Variants in CUX1 observed in about 807,000 individuals in gnomAD.
The protein encoded by CUX1 is protein CASP.
CUX1 carries 31 observed loss-of-function variants against 158.8 expected under a neutral mutation model. The observed-to-expected ratio is 0.20, with a 90% CI of 0.15 to 0.26. The LOEUF is 0.26. Ranked by LOEUF, CUX1 falls within the 10% of genes least tolerant of loss-of-function variation. The pLI, the probability that CUX1 is intolerant of heterozygous loss-of-function variation, is 1.00. For synonymous variants in CUX1, 879 were observed against 862.1 expected (o/e 1.02, Z -0.34); for missense variants, 1,589 against 2,014.6 (o/e 0.79, Z 4.04).
intron 1 of CUX1, among the ~76,000 whole-genome samples, chr7:101,825,223 A>G (rs1793123079): frequency 6.6e-6 from 1 of 152,256 alleles, no homozygotes; most frequent in Admixed American, 6.5e-5. Context: ...TAGAGATGTT[A>G]TAAGTCATAC....
downstream of CUX1, among the ~76,000 whole-genome samples, chr7:102,259,163 A>G (rs1461757174): frequency 1.3e-5 from 2 of 152,172 alleles, no homozygotes; most frequent in Non-Finnish European, 2.9e-5. Flanking sequence ...AACCCAGAGT[A>G]TGGGATGGAG....
chr7:101,910,453 A>G (rs1337337811), intron 1 of CUX1, among the ~76,000 whole-genome samples: 1 of 151,884 alleles, frequency 6.6e-6, no homozygotes, highest in Non-Finnish European at 1.5e-5. Context: ...GCCCACATAC[A>G]CTTTAAAGGT....
chr7:101,817,047 G>C, upstream of CUX1: 1 of 984,572 alleles, frequency 1.0e-6, no homozygotes, highest in Non-Finnish European at 1.2e-6. This position sits in a 1 kb window ranked among gnomAD's most constrained non-coding sequence, Gnocchi z 4.1. Context: ...CCCCGCGGGG[G>C]CTCTTTGGGG....
chr7:102,282,185 C>T (rs911130736), intron 21 of CUX1, among the ~76,000 whole-genome samples: 5 of 152,130 alleles, frequency 3.3e-5, no homozygotes, highest in Admixed American at 3.3e-4. Context: ...TGGTCCTGAA[C>T]GGGCTTCATA....
At chr7:101,855,027 G>A (rs1408197929) in intron 1 of CUX1, among the ~76,000 whole-genome samples, 1 of 152,170 alleles carries the variant, frequency 6.6e-6, no homozygotes, top group Admixed American at 6.5e-5. Context: ...GAGCCACCTC[G>A]CCCGGCCTGG....
At chr7:102,116,699 G>T (rs145306681) in intron 8 of CUX1, among the ~76,000 whole-genome samples, 1 of 152,114 alleles carries the variant, frequency 6.6e-6, no homozygotes, top group Non-Finnish European at 1.5e-5. Context: ...GGGGCTGATT[G>T]TCCTTCACAT....
chr7:102,158,700 G>A (rs537504754), intron 9 of CUX1, 92 bp downstream of exon 9: 5 of 1,224,426 alleles, frequency 4.1e-6, no homozygotes, highest in Admixed American at 1.8e-5. Flanking sequence ...TTAGAAGGCC[G>A]GTTATCCTTC....
intron 2 of CUX1, among the ~76,000 whole-genome samples, chr7:102,011,854 C>T (rs34728832): frequency 0.021 from 3,119 of 152,068 alleles, 67 homozygotes; most frequent in Non-Finnish European, 0.034. Flanking sequence ...GACGGAATTT[C>T]GGTCTTGTCA....
intron 6 of CUX1, among the ~76,000 whole-genome samples, chr7:102,110,715 C>T (rs906108608): frequency 6.6e-6 from 1 of 152,166 alleles, no homozygotes; most frequent in East Asian, 1.9e-4. Flanking sequence ...TAGGCTGTTA[C>T]ATATCATATG....
In CUX1 at chr7:102,015,135, A is replaced by G. The variant is rs988444057; in HGVS notation, c.142-12963A>G. 5.9e-5 allele frequency among the ~76,000 whole-genome samples: 9 copies of G among 152,352 alleles called. No individual in the cohort carries two copies. In the East Asian group the frequency reaches 1.7e-3, roughly 29 times the overall value. The stretch of plus-strand genomic sequence containing the variant: ...CAAGCTGCTTAATTTTAGGTAAACT[A>G]GTTGCACACAAGCGATGAATAAACG... On this transcript the variant is annotated intron_variant, in intron 2 of 23. Coordinates refer to ENST00000292535, the MANE Select transcript of CUX1 (RefSeq NM_181552.4).
rs1801468488 is a variant in CUX1, at chr7:102,251,177, C to A, written c.*2135C>A. On this transcript the variant is annotated 3_prime_UTR_variant, in exon 24 of 24. Coordinates refer to ENST00000292535, the MANE Select transcript of CUX1 (RefSeq NM_181552.4). ...TGAAACCTTTGTCTTAGGTCAACATCTTTGGATGACATTTTAATGGTGCAT... is the reference window on the plus strand; with the variant it reads ...TGAAACCTTTGTCTTAGGTCAACATATTTGGATGACATTTTAATGGTGCAT... The A allele has an allele frequency of 1.0e-6, 1 of 972,628 alleles. No individual in the cohort carries two copies. The highest frequency in any genetic ancestry group is 7.0e-5 in the Admixed American group (1 of 14,310). The allele number at this position is 972,628 out of a possible 1,614,324, so 60.2% of individuals were successfully genotyped here.
chr7:101,960,910 G>A (rs1353387574), intron 2 of CUX1: 1 of 152,220 alleles, frequency 6.6e-6, no homozygotes, highest in African/African-American at 2.4e-5. Context: ...TAGAAGGTGA[G>A]CTTCACCGAG....
At chr7:101,933,158 A>G (rs1019221086) in intron 2 of CUX1, among the ~76,000 whole-genome samples, 4 of 152,176 alleles carry the variant, frequency 2.6e-5, no homozygotes, top group Non-Finnish European at 4.4e-5. Context: ...GAAAATTGAA[A>G]TATTGCTTCT....
chr7:101,886,593 C>T (rs958837226), intron 1 of CUX1, among the ~76,000 whole-genome samples: 1 of 152,196 alleles, frequency 6.6e-6, no homozygotes, highest in African/African-American at 2.4e-5. Flanking sequence ...GGGGAGAAGC[C>T]CCCTGGCCCC....
chr7:101,911,771 G>A (rs901992103), intron 1 of CUX1, among the ~76,000 whole-genome samples: 8 of 152,266 alleles, frequency 5.3e-5, no homozygotes, highest in Admixed American at 2.0e-4. Flanking sequence ...ACTTGAGAGA[G>A]GAATAGTTGC....
intron 2 of CUX1, among the ~76,000 whole-genome samples, chr7:101,922,434 T>A (rs1805064144): frequency 6.6e-6 from 1 of 152,216 alleles, no homozygotes. Flanking sequence ...TTTTGAGCCT[T>A]GGTTCTTAAC....
chr7:101,937,977 T>A (rs777178796), intron 2 of CUX1, among the ~76,000 whole-genome samples: 1 of 152,220 alleles, frequency 6.6e-6, no homozygotes, highest in South Asian at 2.1e-4. Flanking sequence ...ACTCTTGCCC[T>A]TCCCTCCTCA....
intron 1 of CUX1, among the ~76,000 whole-genome samples, chr7:101,819,779 A>C (rs1792270977): frequency 6.6e-6 from 1 of 152,096 alleles, no homozygotes; most frequent in Admixed American, 6.6e-5. Flanking sequence ...TTTTCCTTAA[A>C]GGTGCAAGTG....
At chr7:102,065,752 C>A (rs190831214) in intron 3 of CUX1, among the ~76,000 whole-genome samples, 3 of 151,848 alleles carry the variant, frequency 2.0e-5, no homozygotes, top group Admixed American at 1.3e-4. Context: ...GGTTTTTATG[C>A]CGGTTTAGAT....
Sources: gnomAD v4.1 joint callset for allele counts (sites outside exome capture counted in the v4.1 genomes callset) on GRCh38, gnomAD v4.1.1 for gene constraint, Gnocchi (gnomAD v3.1) non-coding constraint, MANE v1.5 for transcripts, NCBI Gene and HGNC (gene_info 2026-07-23, HGNC 2026-07-21) for gene names.